Variants in TAF9 observed in about 807,000 individuals in gnomAD.
The protein encoded by TAF9 is transcription initiation factor TFIID subunit 9.
Under a neutral mutation model 16.5 loss-of-function variants are expected in TAF9, and 10 were observed. The observed-to-expected ratio is 0.61, with a 90% CI of 0.37 to 1.03. The LOEUF is 1.03. TAF9 is among the 50% of genes least tolerant of loss of function. The pLI, the probability that TAF9 is intolerant of heterozygous loss-of-function variation, is 0.01. For missense variants in TAF9, 288 were observed against 319.1 expected (o/e 0.90, Z 0.74); for synonymous variants, 105 against 120.5 (o/e 0.87, Z 0.84).
upstream of TAF9, chr5:69,369,814 G>A (rs1473453045): frequency 5.3e-6 from 6 of 1,123,178 alleles, no homozygotes; most frequent in Non-Finnish European, 7.7e-6. Flanking sequence ...GTCCCCGGGA[G>A]GCCGTACCTC....
rs755421640 is a variant in TAF9, at chr5:69,365,255, T to G, written c.483A>C (p.Thr161=). The change falls in exon 3 of 3, where the codon ACA becomes ACC. Residue 161 remains threonine, a synonymous_variant. Transcript: ENST00000217893. ...GSVTSRPSTP[T]LGTPTPQTMS... is the part of the protein sequence containing the mutation. Reference sequence around the variant, plus strand: ...TGGTCTGTGGGGTTGGTGTGCCTAGTGTGGGAGTACTTGGTCTGCTAGTAA... The same window carrying G: ...TGGTCTGTGGGGTTGGTGTGCCTAGGGTGGGAGTACTTGGTCTGCTAGTAA... 6.2e-7 allele frequency: 1 copy of G among 1,614,194 alleles called. No homozygotes were observed. The highest frequency in any genetic ancestry group is 8.5e-7 in the Non-Finnish European group (1 of 1,180,026).
Position 69,366,592 on chromosome 5 carries a change from G to A in TAF9, c.-107C>T, listed in dbSNP as rs759584908. On this transcript the variant is annotated 5_prime_UTR_variant, in exon 2 of 3. Coordinates refer to ENST00000217893, the MANE Select transcript of TAF9 (RefSeq NM_003187.5). The stretch of plus-strand genomic sequence containing the variant: ...TAGTGTGGTTTTTCCAACCCCTGGT[G>A]TACCTGTAAGACAAGCCACAGAAAA... 3 of 1,611,460 alleles carry A rather than the reference G, an allele frequency of 1.9e-6. No individual in the cohort carries two copies. Among genetic ancestry groups the A allele is most frequent in the Non-Finnish European group, 2.5e-6 (3 of 1,177,780 alleles).
At chr5:69,369,822 C>T (rs1407828398), upstream of TAF9, 9 of 1,022,150 alleles carry the variant, frequency 8.8e-6, no homozygotes, top group African/African-American at 4.9e-5. Flanking sequence ...GAGGCCGTAC[C>T]TCCGAGAGGC....
At chr5:69,369,199 G>C (rs528422178) in intron 1 of TAF9, 40 of 488,960 alleles carry the variant, frequency 8.2e-5, no homozygotes, top group Admixed American at 4.3e-4. Context: ...TGCCAAGCTG[G>C]AGAGCTGGAT....
At position 69,365,127 on chromosome 5, in the gene TAF9, G is replaced by A. The variant is rs1239067212; in HGVS notation, c.611C>T (p.Pro204Leu). 1.2e-6 allele frequency: 2 copies of A among 1,614,222 alleles called. No individual in the cohort carries two copies. The highest frequency in any genetic ancestry group is 1.7e-5 in the Admixed American group (1 of 60,022). The change falls in exon 3 of 3, where the codon CCT becomes CTT. Residue 204 changes from proline to leucine, a missense_variant. Coordinates refer to ENST00000217893, the MANE Select transcript of TAF9 (RefSeq NM_003187.5). ...AACATTCTGAACTGCTGAGGTTGCA[G>A]GAATTGAAGCTTTTACAGCTGGAGA... ...SQSPAVKASI[P>L]ATSAVQNVLI...
chr5:69,365,837 A>T (rs1762398287), intron 2 of TAF9, 83 bp from the exon 3 acceptor site: 21 of 1,062,304 alleles, frequency 2.0e-5, no homozygotes, highest in Non-Finnish European at 2.7e-5. Flanking sequence ...ACTTAAAAAA[A>T]TTTTAAATCT....
chr5:69,366,998 A>G (rs1762458648), intron 1 of TAF9, among the ~76,000 whole-genome samples: 2 of 152,042 alleles, frequency 1.3e-5, no homozygotes, highest in South Asian at 4.2e-4. Context: ...ACCTCAGGTG[A>G]TCTGCCAGCC....
chr5:69,367,710 G>C (rs549242630), intron 1 of TAF9: 2 of 152,030 alleles, frequency 1.3e-5, no homozygotes, highest in Admixed American at 1.3e-4. Context: ...GCACCACCAT[G>C]CCCTGGTTAA....
At position 69,365,821 on chromosome 5, in the gene TAF9, T is replaced by C. The variant is rs1762397284; in HGVS notation, c.-17-67A>G. On this transcript the variant is annotated intron_variant, in intron 2 of 2. Coordinates refer to ENST00000217893, the MANE Select transcript of TAF9 (RefSeq NM_003187.5). ...GAAATAGTTACTTTAGTAGCAACTG[T>C]CAGGAACTTAAAAAAATTTTAAATC... The C allele has an allele frequency of 6.7e-6, 8 of 1,195,050 alleles. No individual in the cohort carries two copies. The South Asian group carries it at 1.7e-4, about 25-fold the overall frequency. 74.0% of individuals were successfully genotyped at this position (1,195,050 alleles called of 1,614,324 possible).
At chr5:69,369,643 G>A, upstream of TAF9, 3 of 1,563,146 alleles carry the variant, frequency 1.9e-6, no homozygotes, top group Non-Finnish European at 2.6e-6. Context: ...GCCCAGCCGC[G>A]GCCCACTGGT....
rs778186272 is a variant in TAF9, at chr5:69,369,503, G to A, written c.-151C>T. Reference sequence around the variant, plus strand: ...TCGGAAGCAACATGGTCCCCGCCGCGACGGCTTCGGGCGCCTCGCTCACGT... The same window carrying A: ...TCGGAAGCAACATGGTCCCCGCCGCAACGGCTTCGGGCGCCTCGCTCACGT... On this transcript the variant is annotated 5_prime_UTR_variant, in exon 1 of 3. Transcript: ENST00000217893. The A allele has an allele frequency of 1.7e-5, 27 of 1,611,334 alleles. 1 individual carries two copies. Among genetic ancestry groups the A allele is most frequent in the African/African-American group, 1.2e-4 (9 of 74,858 alleles).
At chr5:69,369,768 G>A (rs1762802553), upstream of TAF9, 2 of 1,465,066 alleles carry the variant, frequency 1.4e-6, no homozygotes, top group African/African-American at 1.4e-5. Flanking sequence ...TCCTTCGGTG[G>A]TCCCCGCCCT....
In TAF9 at chr5:69,365,698, T is replaced by C; in HGVS notation, c.40A>G (p.Lys14Glu). Residue 14 changes from lysine to glutamate, a missense_variant, in exon 3 of 3, where the codon AAA becomes GAA. Lys to Glu is a moderately conservative substitution (Grantham distance 56). Coordinates refer to ENST00000217893, the MANE Select transcript of TAF9 (RefSeq NM_003187.5). The stretch of plus-strand genomic sequence containing the variant: ...ATTTGTGCCATCATCTGTGCATCTT[T>C]CGGCATGCTCTTGGGAGAAGCCGTC... ...GKTASPKSMP[K>E]DAQMMAQILK... 6.3e-7 allele frequency: 1 copy of C among 1,587,732 alleles called. No individual in the cohort carries two copies. The highest frequency in any genetic ancestry group is 8.6e-7 in the Non-Finnish European group (1 of 1,164,348).
At position 69,364,976 on chromosome 5, in the gene TAF9, GTCATCA is replaced by G. The variant is rs558584166; in HGVS notation, c.756_761del (p.Asp259_Asp260del). ...TATCATAGTCATCATCATCATCATC[GTCATCA>G]TCATCATCTTCACGTTTTCTTTTCA... On this transcript the variant is annotated inframe_deletion, in exon 3 of 3. Transcript: ENST00000217893. 9 of 1,612,680 alleles carry G rather than the reference GTCATCA, an allele frequency of 5.6e-6. No individual in the cohort carries two copies. The highest frequency in any genetic ancestry group is 1.3e-5 in the African/African-American group (1 of 75,008).
In TAF9 at chr5:69,365,160, G is replaced by A. The variant is rs767130876; in HGVS notation, c.578C>T (p.Thr193Ile). Residue 193 changes from threonine to isoleucine, a missense_variant, in exon 3 of 3, where the codon ACT becomes ATT. Transcript: ENST00000217893. ...AGCTTTTACAGCTGGAGACTGAGAA[G>A]TAGGCATCTGTACTGTAAACCTTTG... is the stretch of plus-strand genomic sequence containing the variant. ...TGQRFTVQMP[T>I]SQSPAVKASI... is the part of the protein sequence containing the mutation. 3 of 1,614,228 alleles carry A rather than the reference G, an allele frequency of 1.9e-6. No homozygotes were observed. In the South Asian group the frequency reaches 3.3e-5, roughly 18 times the overall value.
Position 69,365,366 on chromosome 5 carries a change from A to G in TAF9, c.372T>C (p.Ala124=). ...GTAAAGATTTCAGCCTATAGTTTGG[A>G]GCTGTTAAGCAGTATCTATCAGGTG... ...RLPPDRYCLT[A]PNYRLKSLQK... The change falls in exon 3 of 3, where the codon GCT becomes GCC. Residue 124 remains alanine (A), a synonymous_variant. Transcript: ENST00000217893. 1 of 1,614,200 alleles carries G rather than the reference A, an allele frequency of 6.2e-7. No homozygotes were observed. Among genetic ancestry groups the G allele is most frequent in the Non-Finnish European group, 8.5e-7 (1 of 1,180,044 alleles).
At chr5:69,369,390 G>C (rs1762743781) in intron 1 of TAF9, 73 bp downstream of exon 1, 1 of 1,553,646 alleles carries the variant, frequency 6.4e-7, no homozygotes, top group Non-Finnish European at 8.7e-7. Flanking sequence ...CCCCCACCTG[G>C]GCGCCCGATG....
upstream of TAF9, chr5:69,369,618 T>C (rs1762783099): frequency 3.2e-6 from 5 of 1,575,816 alleles, no homozygotes; most frequent in Non-Finnish European, 3.4e-6. Context: ...GCGGCGCCCC[T>C]AGCCTGCCCC....
At chr5:69,369,658 T>G (rs1013340165), upstream of TAF9, 2 of 1,558,980 alleles carry the variant, frequency 1.3e-6, no homozygotes, top group South Asian at 1.2e-5. Context: ...ACTGGTTACC[T>G]GGCTTTCGAT....
Sources: gnomAD v4.1 joint callset for allele counts (sites outside exome capture counted in the v4.1 genomes callset) on GRCh38, gnomAD v4.1.1 for gene constraint, MANE v1.5 for transcripts, NCBI Gene and HGNC (gene_info 2026-07-23, HGNC 2026-07-21) for gene names.